Variants in SFMBT2 observed in about 807,000 individuals in gnomAD.
The protein encoded by SFMBT2 is scm-like with four MBT domains protein 2.
SFMBT2 carries 38 observed loss-of-function variants against 110.1 expected under a neutral mutation model. The ratio of observed to expected loss-of-function variants is 0.35; its 90% CI spans 0.27 to 0.45. The LOEUF (loss-of-function observed/expected upper bound fraction) is 0.45. SFMBT2 is among the 20% of genes least tolerant of loss of function. SFMBT2 has a pLI of 1.00. For synonymous variants in SFMBT2, 425 were observed against 425.4 expected (o/e 1.00, Z 0.01); for missense variants, 1,011 against 1,094.9 (o/e 0.92, Z 1.08).
intron 7 of SFMBT2, among the ~76,000 whole-genome samples, chr10:7,273,883 G>T (rs892553283): frequency 1.3e-5 from 2 of 152,112 alleles, no homozygotes; most frequent in East Asian, 3.8e-4. Flanking sequence ...AGTCCTCAAG[G>T]ATCTAAAACT....
Position 7,264,037 on chromosome 10 carries a change from T to A in SFMBT2, c.870+12855A>T, listed in dbSNP as rs183539990. 9.4e-4 allele frequency: 230 copies of A among 244,134 alleles called. 3 individuals are homozygous for A. Among genetic ancestry groups the A allele is most frequent in the South Asian group, 4.0e-3 (27 of 6,748 alleles). The allele number at this position is 244,134 out of a possible 1,614,324, so 15.1% of individuals were successfully genotyped here. On this transcript the variant is annotated intron_variant, in intron 7 of 20. Transcript: ENST00000397167. ...CTGAAAAAAAGCACTGGATGTGGAA[T>A]CTTCAGTGCTATGAGCAGCATGAAC...
At chr10:7,270,272 T>C (rs1841540169) in intron 7 of SFMBT2, among the ~76,000 whole-genome samples, 1 of 152,196 alleles carries the variant, frequency 6.6e-6, no homozygotes, top group South Asian at 2.1e-4. Context: ...GGCCGCCCTC[T>C]GCTTCCACCC....
chr10:7,273,626 C>T (rs139107845), intron 7 of SFMBT2, among the ~76,000 whole-genome samples: 90 of 152,306 alleles, frequency 5.9e-4, no homozygotes, highest in African/African-American at 1.7e-3. Context: ...CTCCCCACAC[C>T]CCACGACAGA....
Position 7,163,646 on chromosome 10 carries a change from TG to T in SFMBT2, c.*123del. ...GCGGAGGCAGAAGATCCTGGGCTTCTGGTTTTCTGGTGATACTTAGTGGCTG... is the reference window on the plus strand; with the variant it reads ...GCGGAGGCAGAAGATCCTGGGCTTCTGTTTTCTGGTGATACTTAGTGGCTG... On this transcript the variant is annotated 3_prime_UTR_variant, in exon 21 of 21. Transcript: ENST00000397167. This position sits in a 1 kb window ranked among gnomAD's most constrained non-coding sequence, Gnocchi z 4.8. The T allele has an allele frequency of 1.2e-6, 1 of 845,322 alleles. No homozygotes were observed. The highest frequency in any genetic ancestry group is 1.8e-6 in the Non-Finnish European group (1 of 547,714). 52.4% of individuals were successfully genotyped at this position (845,322 alleles called of 1,614,324 possible). A position where few individuals can be genotyped will look rare whatever the true frequency, so the allele number is the denominator to read the frequency against.
At chr10:7,394,325 C>A (rs867219507) in intron 1 of SFMBT2, among the ~76,000 whole-genome samples, 2 of 151,972 alleles carry the variant, frequency 1.3e-5, no homozygotes, top group Non-Finnish European at 1.5e-5. Context: ...TCGATGCCCA[C>A]CCCTAAAAAT....
chr10:7,357,368 T>C (rs1844554343), intron 4 of SFMBT2, among the ~76,000 whole-genome samples: 1 of 152,162 alleles, frequency 6.6e-6, no homozygotes, highest in Non-Finnish European at 1.5e-5. Context: ...GATCATCCTC[T>C]TGCTTGTGGG....
chr10:7,249,436 C>G (rs763269909), intron 7 of SFMBT2: 179 of 811,996 alleles, frequency 2.2e-4, no homozygotes, highest in Non-Finnish European at 2.5e-4. Context: ...AGATGGAGGT[C>G]ACCTCATAAC....
At chr10:7,265,611 T>C (rs1841361583) in intron 7 of SFMBT2, among the ~76,000 whole-genome samples, 1 of 152,202 alleles carries the variant, frequency 6.6e-6, no homozygotes, top group Non-Finnish European at 1.5e-5. Flanking sequence ...TGAGCTGGGG[T>C]ATTTTTAGTT....
At position 7,231,706 on chromosome 10, in the gene SFMBT2, C is replaced by A. The variant is rs554672305; in HGVS notation, c.1121-3769G>T. Among the ~76,000 whole-genome samples, 87 of 21,872 alleles carry A rather than the reference C, an allele frequency of 4.0e-3. No homozygotes were observed. In the East Asian group the frequency reaches 0.09, roughly 23 times the overall value. The allele number at this position is 21,872 out of a possible 152,430, so 14.3% of individuals were successfully genotyped here. A position where few individuals can be genotyped will look rare whatever the true frequency, so the allele number is the denominator to read the frequency against. Reference sequence around the variant, plus strand: ...TGTAAGCAACAGTTAATTATTCCGTCCCTAGAACAATGTTGCTCATTTCCC... The same window carrying A: ...TGTAAGCAACAGTTAATTATTCCGTACCTAGAACAATGTTGCTCATTTCCC... On this transcript the variant is annotated intron_variant, in intron 9 of 20. Transcript: ENST00000397167.
chr10:7,243,197 G>C (rs1840489608), intron 9 of SFMBT2, among the ~76,000 whole-genome samples: 1 of 152,200 alleles, frequency 6.6e-6, no homozygotes, highest in Non-Finnish European at 1.5e-5. Flanking sequence ...CTAAAGAAAT[G>C]CTTCACCAAC....
At chr10:7,209,427 AT>A (rs992184712) in intron 11 of SFMBT2, among the ~76,000 whole-genome samples, 1 of 152,252 alleles carries the variant, frequency 6.6e-6, no homozygotes, top group African/African-American at 2.4e-5. Context: ...CTACTTGTTT[AT>A]TTTTATCCAG....
At chr10:7,316,284 C>G (rs763685375) in intron 4 of SFMBT2, among the ~76,000 whole-genome samples, 1 of 152,094 alleles carries the variant, frequency 6.6e-6, no homozygotes, top group Non-Finnish European at 1.5e-5. Flanking sequence ...GAGAGCAGAG[C>G]CCAGCAGAAA....
intron 4 of SFMBT2, chr10:7,348,393 T>G (rs1844188239): frequency 7.2e-7 from 1 of 1,393,280 alleles, no homozygotes; most frequent in Non-Finnish European, 9.5e-7. Flanking sequence ...TAATCCATGA[T>G]GGGCTTTGGG....
chr10:7,240,548 G>A (rs573117996), intron 9 of SFMBT2, among the ~76,000 whole-genome samples: 2 of 152,298 alleles, frequency 1.3e-5, no homozygotes, highest in Admixed American at 6.5e-5. Context: ...CTGAGTCAGT[G>A]GGAAAATAAA....
chr10:7,206,257 TGAAA>T, intron 11 of SFMBT2: 3 of 985,418 alleles, frequency 3.0e-6, no homozygotes, highest in Non-Finnish European at 3.6e-6. Context: ...CAGGATTGGC[TGAAA>T]GAGAGAACAA....
intron 7 of SFMBT2, among the ~76,000 whole-genome samples, chr10:7,260,511 C>A (rs373599692): frequency 1.3e-5 from 2 of 152,188 alleles, no homozygotes; most frequent in Admixed American, 6.5e-5. Flanking sequence ...GAGCAAGGCC[C>A]CCTCTTCCCT....
At chr10:7,307,529 CA>C (rs1842730707) in intron 4 of SFMBT2, among the ~76,000 whole-genome samples, 1 of 152,160 alleles carries the variant, frequency 6.6e-6, no homozygotes, top group Admixed American at 6.5e-5. Flanking sequence ...AACAAATAGA[CA>C]AATCCAATTA....
At chr10:7,203,686 C>T in intron 12 of SFMBT2, 1 of 984,900 alleles carries the variant, frequency 1.0e-6, no homozygotes, top group South Asian at 4.7e-5. Context: ...ATCTATTGGC[C>T]ATGCTGGCTG....
At chr10:7,178,947 C>T (rs1005461492) in intron 16 of SFMBT2, among the ~76,000 whole-genome samples, 1 of 152,148 alleles carries the variant, frequency 6.6e-6, no homozygotes, top group Non-Finnish European at 1.5e-5. Flanking sequence ...CACATATCAC[C>T]AAACTACTGA....
Sources: gnomAD v4.1 joint callset for allele counts (sites outside exome capture counted in the v4.1 genomes callset) on GRCh38, gnomAD v4.1.1 for gene constraint, Gnocchi (gnomAD v3.1) non-coding constraint, MANE v1.5 for transcripts, NCBI Gene and HGNC (gene_info 2026-07-23, HGNC 2026-07-21) for gene names.